The following EVC variants were observed in gnomAD, a reference collection of about 807,000 sequenced individuals.
The protein encoded by EVC is evC complex member EVC.
Under a neutral mutation model 118.9 loss-of-function variants are expected in EVC, and 116 were observed. The ratio of observed to expected loss-of-function variants is 0.98; its 90% CI spans 0.84 to 1.14. EVC has a LOEUF of 1.14. EVC is among the 50% of genes most tolerant of loss of function. The pLI, the probability that EVC is intolerant of heterozygous loss-of-function variation, is 0.00. For missense variants in EVC, 1,401 were observed against 1,246.4 expected, an observed-to-expected ratio of 1.12 and a Z score of -1.87; for synonymous variants, 619 against 534.7, an observed-to-expected ratio of 1.16 and a Z score of -2.18.
chr4:5,714,123 C>T (rs1723544785), intron 1 of EVC, among the ~76,000 whole-genome samples: 2 of 152,198 alleles, frequency 1.3e-5, no homozygotes, highest in Admixed American at 1.3e-4. Context: ...CTCTATCCTG[C>T]TCAGCCCTCA....
At chr4:5,823,646 C>A in the EVC span, among the ~76,000 whole-genome samples, 1 of 152,166 alleles carries the variant, frequency 6.6e-6, no homozygotes, top group Non-Finnish European at 1.5e-5. Context: ...TTAAAGAGCA[C>A]CTCTGCCTTC....
chr4:5,810,219 G>A (rs1268407238), intron 19 of EVC, 120 bp from the exon 20 acceptor site: 2 of 773,614 alleles, frequency 2.6e-6, no homozygotes, highest in East Asian at 5.4e-5. Context: ...AAGATACCAA[G>A]CATACACTTG....
At position 5,735,929 on chromosome 4, in the gene EVC, C is replaced by T. The variant is rs530421660; in HGVS notation, c.702+2494C>T. Among the ~76,000 whole-genome samples the T allele has an allele frequency of 1.2e-4, 19 of 152,240 alleles. 1 individual carries two copies. The highest frequency in any genetic ancestry group is 8.3e-4 in the South Asian group (4 of 4,826). On this transcript the variant is annotated intron_variant, in intron 5 of 20. Coordinates refer to ENST00000264956, the MANE Select transcript of EVC (RefSeq NM_153717.3). ...CTGGGACTGTAAGAACCTGGTGAGC[C>T]GCTGGGAGCTGTGCTGCCTGGAGAC...
chr4:5,719,483 T>C lies in EVC; in HGVS notation c.300+110T>C. 1.3e-6 allele frequency: 2 copies of C among 1,529,886 alleles called. No homozygotes were observed. Among genetic ancestry groups the C allele is most frequent in the Non-Finnish European group, 1.8e-6 (2 of 1,108,300 alleles). The allele number at this position is 1,529,886 out of a possible 1,614,324, so 94.8% of individuals were successfully genotyped here. ...GCCTCTGACAGATATAGTTTCCCAA[T>C]GGGCTGCTTTTCTGAGGCATAATTT... On this transcript the variant is annotated intron_variant, in intron 2 of 20. Transcript: ENST00000264956. The surrounding 1 kb of genome is among the most constrained non-coding windows in gnomAD (Gnocchi z 4.7).
intron 11 of EVC, among the ~76,000 whole-genome samples, chr4:5,771,936 C>T (rs1274399912): frequency 6.6e-6 from 1 of 151,836 alleles, no homozygotes; most frequent in Non-Finnish European, 1.5e-5. Context: ...CTCACTCTGT[C>T]GCCCAGGCTG....
At chr4:5,736,121 C>T (rs944031282) in intron 5 of EVC, among the ~76,000 whole-genome samples, 3 of 152,134 alleles carry the variant, frequency 2.0e-5, no homozygotes, top group African/African-American at 7.2e-5. Context: ...AGTGTAACCT[C>T]TATAAACAGA....
intron 2 of EVC, among the ~76,000 whole-genome samples, chr4:5,721,582 G>A (rs1037014815): frequency 1.4e-4 from 21 of 152,120 alleles, no homozygotes; most frequent in African/African-American, 5.1e-4. Context: ...TAAAGTTGAC[G>A]ATAGGCTGGG....
chr4:5,790,180 C>CAAAA (rs35158259), intron 12 of EVC, among the ~76,000 whole-genome samples: 1,325 of 112,168 alleles, frequency 0.012, 41 homozygotes, highest in African/African-American at 0.039. Flanking sequence ...GACTCCATCT[C>CAAAA]AAAAAAAAAA....
intron 13 of EVC, among the ~76,000 whole-genome samples, chr4:5,794,730 T>C (rs1008437993): frequency 2.6e-5 from 4 of 152,134 alleles, no homozygotes; most frequent in African/African-American, 4.8e-5. Flanking sequence ...ATTTTTGATA[T>C]AGCTATTTTT....
At chr4:5,777,673 CTGGTTAGCCATATCAGAAATATAAT>C (rs1734905440) in intron 11 of EVC, among the ~76,000 whole-genome samples, 1 of 152,154 alleles carries the variant, frequency 6.6e-6, no homozygotes, top group Admixed American at 6.5e-5. Flanking sequence ...TCCAAGTTAT[CTGGTTAGCCATATCAGAAATATAAT>C]CTCTAAATCT....
intron 11 of EVC, among the ~76,000 whole-genome samples, chr4:5,770,997 G>T (rs1733858924): frequency 6.7e-6 from 1 of 148,648 alleles, no homozygotes; most frequent in South Asian, 2.1e-4. Flanking sequence ...GGGTGACAGA[G>T]CGAGACTTCA....
chr4:5,750,483 C>T (rs2152064222), intron 8 of EVC, among the ~76,000 whole-genome samples: 1 of 152,244 alleles, frequency 6.6e-6, no homozygotes, highest in African/African-American at 2.4e-5. Flanking sequence ...TCATGGAAAC[C>T]ATATTGCAGA....
At chr4:5,827,669 T>C in the EVC span, among the ~76,000 whole-genome samples, 2 of 150,942 alleles carry the variant, frequency 1.3e-5, no homozygotes, top group Non-Finnish European at 2.9e-5. Flanking sequence ...TATGCACACA[T>C]ACACACGTGC....
intron 11 of EVC, among the ~76,000 whole-genome samples, chr4:5,767,830 C>T (rs1733184442): frequency 6.6e-6 from 1 of 152,146 alleles, no homozygotes; most frequent in Non-Finnish European, 1.5e-5. Flanking sequence ...GAACCCAGTA[C>T]CTCATGTGGA....
intron 11 of EVC, among the ~76,000 whole-genome samples, chr4:5,777,012 G>C (rs1157919878): frequency 6.6e-6 from 1 of 152,102 alleles, no homozygotes; most frequent in Non-Finnish European, 1.5e-5. Context: ...TGAAGTACCT[G>C]TGGGTTTGTT....
At chr4:5,732,023 G>T (rs972545032) in intron 4 of EVC, among the ~76,000 whole-genome samples, 1 of 152,184 alleles carries the variant, frequency 6.6e-6, no homozygotes, top group Non-Finnish European at 1.5e-5. Context: ...GCCCAGTGAG[G>T]GGGATCCTGG....
intron 5 of EVC, among the ~76,000 whole-genome samples, chr4:5,740,491 AAAG>A (rs1167060128): frequency 2.0e-5 from 3 of 151,880 alleles, no homozygotes; most frequent in Non-Finnish European, 4.4e-5. Context: ...AAAAAAAGAA[AAAG>A]AAAAAATATA....
At position 5,721,095 on chromosome 4, in the gene EVC, C is replaced by G. The variant is rs143562619; in HGVS notation, c.300+1722C>G. Among the ~76,000 whole-genome samples, 416 of 152,198 alleles carry G rather than the reference C, an allele frequency of 2.7e-3. 1 individual carries two copies. The highest frequency in any genetic ancestry group is 9.5e-3 in the African/African-American group (393 of 41,526). On this transcript the variant is annotated intron_variant, in intron 2 of 20. Coordinates refer to ENST00000264956, the MANE Select transcript of EVC (RefSeq NM_153717.3). ...CGTGAGCTTCAGGTGCATGGCATCT[C>G]CCTGTCTCTGTGTCTCTCTTCCCCT...
intron 5 of EVC, among the ~76,000 whole-genome samples, chr4:5,740,092 C>T (rs530923769): frequency 6.6e-6 from 1 of 152,220 alleles, no homozygotes; most frequent in African/African-American, 2.4e-5. Context: ...ACAAAAGAAC[C>T]TCAACCTAAA....
Sources: gnomAD v4.1 joint callset for allele counts (sites outside exome capture counted in the v4.1 genomes callset) on GRCh38, gnomAD v4.1.1 for gene constraint, Gnocchi (gnomAD v3.1) non-coding constraint, MANE v1.5 for transcripts, NCBI Gene and HGNC (gene_info 2026-07-23, HGNC 2026-07-21) for gene names.